The following C12orf56 variants were observed in gnomAD, a reference collection of about 807,000 sequenced individuals.
The protein encoded by C12orf56 is uncharacterized protein C12orf56.
Under a neutral mutation model 69.9 loss-of-function variants are expected in C12orf56, and 71 were observed. That is an observed-to-expected ratio of 1.02 (90% confidence interval 0.84 to 1.24). The LOEUF (loss-of-function observed/expected upper bound fraction) is 1.24, where lower values mean the gene tolerates loss of function less well. Among genes scored for constraint, C12orf56 ranks in the 50% most tolerant of loss-of-function variants. The pLI, the probability that C12orf56 is intolerant of heterozygous loss-of-function variation, is 0.00. For missense variants in C12orf56, 732 were observed against 738.5 expected (o/e 0.99, Z 0.10); for synonymous variants, 276 against 274.1 (o/e 1.01, Z -0.07).
At chr12:64,304,925 A>T (rs544628089) in intron 5 of C12orf56, among the ~76,000 whole-genome samples, 1 of 152,168 alleles carries the variant, frequency 6.6e-6, no homozygotes, top group Non-Finnish European at 1.5e-5. Flanking sequence ...ATGTAGATTG[A>T]TGGAATCTTA....
chr12:64,381,471 A>G (rs1156886371), intron 1 of C12orf56, among the ~76,000 whole-genome samples: 2 of 152,224 alleles, frequency 1.3e-5, no homozygotes, highest in East Asian at 3.8e-4. Flanking sequence ...TTCTTAGGCA[A>G]GAAGCATGTT....
chr12:64,365,783 T>C (rs1328190538), intron 1 of C12orf56, among the ~76,000 whole-genome samples: 2 of 141,710 alleles, frequency 1.4e-5, no homozygotes, highest in East Asian at 4.1e-4. Context: ...ATATAATAAA[T>C]ATATAATGTA....
intron 9 of C12orf56, among the ~76,000 whole-genome samples, chr12:64,276,288 G>C (rs574041339): frequency 6.6e-6 from 1 of 152,254 alleles, no homozygotes; most frequent in African/African-American, 2.4e-5. Flanking sequence ...CAAACATCAA[G>C]TGATCAAATA....
chr12:64,380,125 A>AACAAAC (rs2039698226), intron 1 of C12orf56, among the ~76,000 whole-genome samples: 1 of 55,858 alleles, frequency 1.8e-5, no homozygotes, highest in African/African-American at 5.2e-5. Flanking sequence ...AAAAAAAAAA[A>AACAAAC]AAAAAAAAAC....
chr12:64,271,375 G>A (rs1468382897), intron 11 of C12orf56, among the ~76,000 whole-genome samples: 1 of 150,558 alleles, frequency 6.6e-6, no homozygotes, highest in Admixed American at 6.6e-5. Flanking sequence ...TGAGGCACAA[G>A]AACTGCTTGA....
intron 12 of C12orf56, 150 bp from the exon 13 acceptor site, chr12:64,267,438 C>A: frequency 1.6e-6 from 1 of 639,064 alleles, no homozygotes; most frequent in Non-Finnish European, 2.7e-6. Flanking sequence ...GATCTCCAAT[C>A]TCCCCCATTT....
chr12:64,280,792 A>G (rs1452153125), intron 8 of C12orf56, among the ~76,000 whole-genome samples: 1 of 152,182 alleles, frequency 6.6e-6, no homozygotes, highest in Non-Finnish European at 1.5e-5. Context: ...ATGAGCTAGG[A>G]AGAGTCCCAA....
chr12:64,345,229 G>T (rs532559608), intron 2 of C12orf56, among the ~76,000 whole-genome samples: 1 of 152,266 alleles, frequency 6.6e-6, no homozygotes, highest in South Asian at 2.1e-4. Flanking sequence ...GTCCTGAGGA[G>T]AGTCAACATT....
chr12:64,375,836 T>C (rs555979865), intron 1 of C12orf56, among the ~76,000 whole-genome samples: 53 of 152,340 alleles, frequency 3.5e-4, no homozygotes, highest in African/African-American at 1.3e-3. Context: ...TTTTTCTGAT[T>C]GGATTGTGAT....
chr12:64,315,812 T>A (rs187936209), intron 4 of C12orf56, among the ~76,000 whole-genome samples: 1 of 151,554 alleles, frequency 6.6e-6, no homozygotes, highest in East Asian at 2.0e-4. Flanking sequence ...ATGCTTGTAA[T>A]CCCAGCTACT....
chr12:64,270,270 G>A (rs1415559415), intron 12 of C12orf56, among the ~76,000 whole-genome samples: 2 of 151,812 alleles, frequency 1.3e-5, no homozygotes, highest in Admixed American at 6.6e-5. Context: ...GCATGGTGGC[G>A]GGCGCCTGTA....
At chr12:64,301,802 T>C (rs1298304736) in intron 6 of C12orf56, among the ~76,000 whole-genome samples, 3 of 152,188 alleles carry the variant, frequency 2.0e-5, no homozygotes, top group African/African-American at 7.2e-5. Flanking sequence ...CTAAACCTTC[T>C]TTCTTTATAA....
intron 6 of C12orf56, among the ~76,000 whole-genome samples, chr12:64,287,208 CACTCCAG>C (rs1474555610): frequency 1.4e-5 from 2 of 141,824 alleles, no homozygotes; most frequent in Non-Finnish European, 3.0e-5. Flanking sequence ...TGCGCCACTG[CACTCCAG>C]ACTGGGCAAG....
intron 5 of C12orf56, 61 bp from the exon 6 acceptor site, chr12:64,303,840 T>A: frequency 6.7e-7 from 1 of 1,487,814 alleles, no homozygotes; most frequent in Non-Finnish European, 8.9e-7. Flanking sequence ...AGTTTAGGAA[T>A]ATCAATGATT....
intron 6 of C12orf56, among the ~76,000 whole-genome samples, chr12:64,292,926 C>A (rs1462748658): frequency 4.9e-5 from 7 of 144,076 alleles, no homozygotes; most frequent in Admixed American, 4.2e-4. Context: ...CAAGCCTGGG[C>A]AATGGCGGGC....
chr12:64,314,362 G>C (rs1252483009), intron 4 of C12orf56, among the ~76,000 whole-genome samples: 1 of 152,098 alleles, frequency 6.6e-6, no homozygotes, highest in Admixed American at 6.5e-5. Flanking sequence ...CAAAGTGCTA[G>C]GATTACAGGC....
At chr12:64,347,436 C>T (rs1385695474) in intron 2 of C12orf56, among the ~76,000 whole-genome samples, 1 of 152,012 alleles carries the variant, frequency 6.6e-6, no homozygotes, top group Non-Finnish European at 1.5e-5. Context: ...CAGGTGCATG[C>T]CACCACGCCT....
intron 11 of C12orf56, among the ~76,000 whole-genome samples, chr12:64,274,208 T>C (rs974089492): frequency 2.0e-5 from 3 of 151,074 alleles, no homozygotes; most frequent in Non-Finnish European, 4.4e-5. Context: ...GAGAGACAGA[T>C]GCAACGGTAC....
rs866958019 is a variant in C12orf56 at position 64,318,952 on chromosome 12, T to C, written c.517A>G (p.Lys173Glu). Reference protein sequence around the residue: ...RDQQESSTPSKDSTLCPRPGL... With the variant: ...RDQQESSTPSEDSTLCPRPGL... ...GGACGAGGACAGAGAGTTGAGTCCT[T>C]GGATGGTGTACTGCTCTCCTGCTGG... is the stretch of plus-strand genomic sequence containing the variant. The change falls in exon 4 of 13, where the codon AAG (lysine) becomes GAG (glutamate). Residue 173 changes from lysine (K) to glutamate (E), a missense_variant. By Grantham distance (56) the Lys-to-Glu change is moderately conservative. Transcript: ENST00000543942. The C allele has an allele frequency of 3.3e-6, 5 of 1,529,038 alleles. No homozygotes were observed. In the African/African-American group the frequency reaches 4.1e-5, roughly 13 times the overall value. The allele number at this position is 1,529,038 out of a possible 1,614,324, so 94.7% of individuals were successfully genotyped here. A position where few individuals can be genotyped will look rare whatever the true frequency, so the allele number is the denominator to read the frequency against.
Sources: gnomAD v4.1 joint callset for allele counts (sites outside exome capture counted in the v4.1 genomes callset) on GRCh38, gnomAD v4.1.1 for gene constraint, MANE v1.5 for transcripts, NCBI Gene and HGNC (gene_info 2026-07-23, HGNC 2026-07-21) for gene names.